Variants in ZDHHC14 observed in about 807,000 individuals in gnomAD.
ZDHHC14 encodes the protein palmitoyltransferase ZDHHC14.
In ZDHHC14, 16 loss-of-function variants were observed where a neutral mutation model predicts 47.7. The ratio of observed to expected loss-of-function variants is 0.34; its 90% CI spans 0.23 to 0.51. The LOEUF is 0.51. Among genes scored for constraint, ZDHHC14 ranks in the 20% least tolerant of loss-of-function variants. ZDHHC14 has a pLI of 0.97. For synonymous variants in ZDHHC14, 293 were observed against 278.9 expected (o/e 1.05, Z -0.50); for missense variants, 515 against 662.5 (o/e 0.78, Z 2.44).
intron 1 of ZDHHC14, among the ~76,000 whole-genome samples, chr6:157,386,163 A>G (rs1444648524): frequency 6.6e-6 from 1 of 152,060 alleles, no homozygotes; most frequent in Non-Finnish European, 1.5e-5. Flanking sequence ...ATGTAGGTTA[A>G]GAAGCAACTG....
intron 1 of ZDHHC14, among the ~76,000 whole-genome samples, chr6:157,416,551 C>T (rs890238199): frequency 6.6e-6 from 1 of 151,304 alleles, no homozygotes; most frequent in Non-Finnish European, 1.5e-5. Flanking sequence ...TACCTGTGGT[C>T]CCAGCTGCTC....
chr6:157,530,202 C>A (rs1781313706), intron 1 of ZDHHC14, among the ~76,000 whole-genome samples: 1 of 152,104 alleles, frequency 6.6e-6, no homozygotes, highest in Admixed American at 6.5e-5. Context: ...TGATGTGGGA[C>A]CACATCTGTG....
intron 1 of ZDHHC14, among the ~76,000 whole-genome samples, chr6:157,533,483 T>C (rs1349373317): frequency 6.6e-6 from 1 of 152,170 alleles, no homozygotes; most frequent in Non-Finnish European, 1.5e-5. Context: ...GGAGGAGCTC[T>C]ATGGCTCCCT....
intron 1 of ZDHHC14, among the ~76,000 whole-genome samples, chr6:157,386,019 A>G (rs1346171679): frequency 6.6e-6 from 1 of 152,194 alleles, no homozygotes; most frequent in Non-Finnish European, 1.5e-5. Flanking sequence ...AGTACAGTAT[A>G]CGGTATACTG....
At chr6:157,547,359 G>A (rs146054717) in intron 2 of ZDHHC14, among the ~76,000 whole-genome samples, 4 of 152,004 alleles carry the variant, frequency 2.6e-5, no homozygotes, top group South Asian at 2.1e-4. Context: ...AGAGTCTCTC[G>A]AGGAAATTTC....
At chr6:157,420,381 A>T (rs1778071401) in intron 1 of ZDHHC14, among the ~76,000 whole-genome samples, 1 of 143,932 alleles carries the variant, frequency 6.9e-6, no homozygotes, top group Non-Finnish European at 1.5e-5. Flanking sequence ...AGGTATAGGC[A>T]TTGAAGGGGT....
intron 1 of ZDHHC14, among the ~76,000 whole-genome samples, chr6:157,444,986 G>A (rs1195820753): frequency 1.3e-5 from 2 of 152,096 alleles, no homozygotes; most frequent in African/African-American, 4.8e-5. Context: ...GGATCCCAGT[G>A]TGAGGAGGCC....
intron 2 of ZDHHC14, among the ~76,000 whole-genome samples, chr6:157,568,342 T>C (rs551943229): frequency 6.6e-6 from 1 of 152,204 alleles, no homozygotes; most frequent in Non-Finnish European, 1.5e-5. Flanking sequence ...ACCAAAGATA[T>C]AATAATTAAC....
At chr6:157,672,683 T>A in intron 8 of ZDHHC14, 41 bp from the exon 9 acceptor site, 35 of 762,134 alleles carry the variant, frequency 4.6e-5, no homozygotes, top group Non-Finnish European at 5.4e-5. Flanking sequence ...CTCTGCCCCC[T>A]CCTCTCCACC....
intron 3 of ZDHHC14, among the ~76,000 whole-genome samples, chr6:157,602,267 G>T (rs927973710): frequency 4.0e-5 from 6 of 151,552 alleles, no homozygotes; most frequent in Admixed American, 6.6e-5. Context: ...AGCACTTTGG[G>T]AGGTCAAGGT....
intron 5 of ZDHHC14, among the ~76,000 whole-genome samples, chr6:157,642,023 A>AAGATGGAT (rs1777273440): frequency 1.4e-5 from 2 of 146,608 alleles, no homozygotes; most frequent in African/African-American, 5.1e-5. Context: ...GTATATTTTG[A>AAGATGGAT]AGATAGATAG....
At chr6:157,394,331 G>A (rs1367784364) in intron 1 of ZDHHC14, among the ~76,000 whole-genome samples, 1 of 152,174 alleles carries the variant, frequency 6.6e-6, no homozygotes, top group Non-Finnish European at 1.5e-5. Context: ...TGGAATATGG[G>A]CCAGCCCACA....
intron 1 of ZDHHC14, among the ~76,000 whole-genome samples, chr6:157,434,234 A>G (rs1486907077): frequency 6.6e-6 from 1 of 150,388 alleles, no homozygotes; most frequent in Non-Finnish European, 1.5e-5. Context: ...ATATATATAT[A>G]TAATTCTTTT....
intron 1 of ZDHHC14, among the ~76,000 whole-genome samples, chr6:157,410,897 A>G (rs1434830031): frequency 4.6e-5 from 7 of 152,066 alleles, no homozygotes; most frequent in Admixed American, 3.3e-4. Context: ...GGGTTTCACC[A>G]TGTTGGCCAG....
At chr6:157,466,244 G>T (rs1362004205) in intron 1 of ZDHHC14, among the ~76,000 whole-genome samples, 1 of 152,200 alleles carries the variant, frequency 6.6e-6, no homozygotes, top group Non-Finnish European at 1.5e-5. Flanking sequence ...GCAGCTGCCA[G>T]CAATGCTGGT....
intron 2 of ZDHHC14, among the ~76,000 whole-genome samples, chr6:157,548,660 G>A (rs1423641718): frequency 5.3e-5 from 8 of 152,168 alleles, no homozygotes; most frequent in African/African-American, 1.9e-4. Flanking sequence ...TGGTCAGGCT[G>A]GTCTCGAACT....
chr6:157,668,522 TAAAA>T (rs34696696), intron 8 of ZDHHC14, among the ~76,000 whole-genome samples: 5,475 of 123,894 alleles, frequency 0.044, 140 homozygotes, highest in African/African-American at 0.079. Flanking sequence ...CCATCTCCAC[TAAAA>T]AAAAAAAAAA....
chr6:157,501,486 C>T (rs951608352), intron 1 of ZDHHC14, among the ~76,000 whole-genome samples: 101 of 152,178 alleles, frequency 6.6e-4, no homozygotes, highest in African/African-American at 2.4e-3. Flanking sequence ...ATTGCATTTA[C>T]GGCCTGTGAT....
At chr6:157,522,076 G>A (rs34077539) in intron 1 of ZDHHC14, among the ~76,000 whole-genome samples, 60,357 of 151,812 alleles carry the variant, frequency 0.4, 12,129 homozygotes, top group Admixed American at 0.46. Flanking sequence ...GAGCATGAGT[G>A]GTGGTGAATT....
Sources: allele counts gnomAD v4.1 joint callset (sites outside exome capture counted in the v4.1 genomes callset), GRCh38; gene constraint gnomAD v4.1.1; transcripts MANE v1.5; gene names NCBI Gene and HGNC (gene_info 2026-07-23, HGNC 2026-07-21).